The following SYTL3 variants were observed in gnomAD, a reference collection of about 807,000 sequenced individuals.
The protein encoded by SYTL3 is synaptotagmin-like protein 3.
In SYTL3, 88 loss-of-function variants were observed where a neutral mutation model predicts 82.1. The ratio of observed to expected loss-of-function variants is 1.07; its 90% CI spans 0.90 to 1.28. SYTL3 has a LOEUF of 1.28. SYTL3 is among the 50% of genes most tolerant of loss of function. The pLI, the probability that SYTL3 is intolerant of heterozygous loss-of-function variation, is 0.00. For synonymous variants in SYTL3, 311 were observed against 289.4 expected (o/e 1.07, Z -0.76); for missense variants, 831 against 757.6 (o/e 1.10, Z -1.14).
upstream of SYTL3, among the ~76,000 whole-genome samples, chr6:158,645,412 A>G (rs763810681): frequency 6.6e-6 from 1 of 152,132 alleles, no homozygotes; most frequent in Non-Finnish European, 1.5e-5. Flanking sequence ...ACTGCCCTCC[A>G]CGGAAAGCTG....
At chr6:158,712,642 C>G (rs949296299) in intron 8 of SYTL3, among the ~76,000 whole-genome samples, 1 of 152,126 alleles carries the variant, frequency 6.6e-6, no homozygotes, top group African/African-American at 2.4e-5. Flanking sequence ...TTTGATCTTT[C>G]ATCGTTTAGG....
intron 6 of SYTL3, among the ~76,000 whole-genome samples, chr6:158,700,775 G>T (rs922886454): frequency 6.6e-6 from 1 of 152,198 alleles, no homozygotes; most frequent in East Asian, 1.9e-4. Flanking sequence ...CGCCACCACG[G>T]CCGGCTAATT....
chr6:158,664,916 T>C (rs1211035042), intron 4 of SYTL3, among the ~76,000 whole-genome samples: 2 of 149,006 alleles, frequency 1.3e-5, no homozygotes, highest in Admixed American at 1.3e-4. Context: ...AAAAAAAAAA[T>C]GTAGCAAAAG....
intron 1 of SYTL3, among the ~76,000 whole-genome samples, chr6:158,650,315 TA>T (rs1271585134): frequency 6.6e-6 from 1 of 152,092 alleles, no homozygotes; most frequent in Non-Finnish European, 1.5e-5. Context: ...CAGAGTTAAT[TA>T]AAAACCAAAA....
At chr6:158,660,222 A>G (rs1214328370) in intron 2 of SYTL3, among the ~76,000 whole-genome samples, 2 of 152,074 alleles carry the variant, frequency 1.3e-5, no homozygotes, top group African/African-American at 2.4e-5. Flanking sequence ...CCGAGATCGC[A>G]CCACTGCACT....
At chr6:158,670,052 A>G (rs1193685413) in intron 5 of SYTL3, among the ~76,000 whole-genome samples, 6 of 152,278 alleles carry the variant, frequency 3.9e-5, no homozygotes, top group Non-Finnish European at 5.9e-5. Flanking sequence ...TCTGCATTGC[A>G]TGAAAGAATT....
intron 8 of SYTL3, among the ~76,000 whole-genome samples, chr6:158,713,530 C>G (rs764248492): frequency 7.2e-5 from 11 of 152,138 alleles, no homozygotes; most frequent in Non-Finnish European, 1.6e-4. Flanking sequence ...GTCATCTTGT[C>G]AACAACCCGC....
chr6:158,753,586 C>T (rs934519443), intron 13 of SYTL3, among the ~76,000 whole-genome samples: 84 of 151,698 alleles, frequency 5.5e-4, no homozygotes, highest in Admixed American at 2.6e-4. Flanking sequence ...AAAAATTAGC[C>T]GGGCGTGGTG....
At chr6:158,709,936 G>C (rs929870000) in intron 8 of SYTL3, among the ~76,000 whole-genome samples, 14 of 152,224 alleles carry the variant, frequency 9.2e-5, no homozygotes, top group African/African-American at 3.4e-4. Context: ...TCAGGAGGCT[G>C]AGGGAAGAGG....
At chr6:158,688,243 T>C (rs531096786) in intron 6 of SYTL3, among the ~76,000 whole-genome samples, 2 of 152,234 alleles carry the variant, frequency 1.3e-5, no homozygotes, top group African/African-American at 4.8e-5. Context: ...GAACGTCTTG[T>C]ACAGGTATTT....
At chr6:158,729,061 A>G (rs1361165349) in intron 11 of SYTL3, among the ~76,000 whole-genome samples, 1 of 152,158 alleles carries the variant, frequency 6.6e-6, no homozygotes, top group African/African-American at 2.4e-5. Context: ...TCAAAAAACA[A>G]ATAAACAAAA....
chr6:158,707,387 G>C (rs1782220463), intron 7 of SYTL3, 106 bp downstream of exon 7: 1 of 844,416 alleles, frequency 1.2e-6, no homozygotes, highest in Non-Finnish European at 1.8e-6. Context: ...TCACTGCTTT[G>C]GAATGTGACT....
chr6:158,729,424 C>A (rs1327893668), intron 11 of SYTL3, among the ~76,000 whole-genome samples: 1 of 152,130 alleles, frequency 6.6e-6, no homozygotes, highest in Admixed American at 6.6e-5. Context: ...TAGAGCCCCA[C>A]CCTCATGACT....
At chr6:158,734,730 G>A (rs756570721) in intron 11 of SYTL3, among the ~76,000 whole-genome samples, 3 of 152,058 alleles carry the variant, frequency 2.0e-5, no homozygotes, top group Admixed American at 6.6e-5. Flanking sequence ...GGTATTGTCT[G>A]TGTCACCTCC....
intron 2 of SYTL3, among the ~76,000 whole-genome samples, chr6:158,655,945 G>A (rs946787183): frequency 6.6e-6 from 1 of 152,216 alleles, no homozygotes; most frequent in Non-Finnish European, 1.5e-5. Context: ...GCGTGGAAAT[G>A]CAGAGCGCAT....
chr6:158,726,267 T>C, intron 11 of SYTL3: 1 of 442,348 alleles, frequency 2.3e-6, no homozygotes, highest in Admixed American at 2.9e-5. Context: ...GTCTCTTGGG[T>C]AAAGATCAAT....
chr6:158,667,135 C>T (rs1284931689), intron 5 of SYTL3, among the ~76,000 whole-genome samples: 1 of 152,208 alleles, frequency 6.6e-6, no homozygotes, highest in Non-Finnish European at 1.5e-5. Context: ...CAGGGTGTTA[C>T]ATTTCTCAGC....
At chr6:158,760,774 GTC>G (rs1178701005) in intron 15 of SYTL3, 29 bp downstream of exon 15, 1 of 1,560,814 alleles carries the variant, frequency 6.4e-7, no homozygotes, top group Non-Finnish European at 8.8e-7. Context: ...CCTGGACATT[GTC>G]TGTGTCATTG....
Position 158,752,047 on chromosome 6 carries a change from T to C in SYTL3, c.1137+17T>C, listed in dbSNP as rs1347485003. 7 of 1,570,168 alleles carry C rather than the reference T, an allele frequency of 4.5e-6. No homozygotes were observed. Among genetic ancestry groups the C allele is most frequent in the East Asian group, 2.3e-5 (1 of 42,764 alleles). ...ACCTTGAAGGTACTTGCTGGACAGA[T>C]ATTCCTGTGCAGAGTCCTCCCGAGC... On this transcript the variant is annotated intron_variant, in intron 13 of 17. Transcript: ENST00000611299.
Sources: gnomAD v4.1 joint callset for allele counts (sites outside exome capture counted in the v4.1 genomes callset) on GRCh38, gnomAD v4.1.1 for gene constraint, MANE v1.5 for transcripts, NCBI Gene and HGNC (gene_info 2026-07-23, HGNC 2026-07-21) for gene names.